KIAA1217: variants seen among roughly 807,000 people sequenced by gnomAD.
KIAA1217 encodes the protein sickle tail protein homolog.
A neutral mutation model predicts 163.9 loss-of-function variants in KIAA1217; 88 were observed. The ratio of observed to expected loss-of-function variants is 0.54; its 90% CI spans 0.45 to 0.64. The LOEUF is 0.64. Among genes scored for constraint, KIAA1217 ranks in the 30% least tolerant of loss-of-function variants. KIAA1217 has a pLI of 0.00. For synonymous variants in KIAA1217, 903 were observed against 923.1 expected (o/e 0.98, Z 0.39); for missense variants, 2,372 against 2,475.0 (o/e 0.96, Z 0.88).
intron 2 of KIAA1217, among the ~76,000 whole-genome samples, chr10:24,198,297 T>C (rs967138003): frequency 3.3e-5 from 5 of 152,206 alleles, no homozygotes; most frequent in African/African-American, 1.2e-4. Flanking sequence ...GATTCTGACC[T>C]CAACATAAAA....
intron 2 of KIAA1217, among the ~76,000 whole-genome samples, chr10:24,222,949 T>G (rs1177710310): frequency 2.0e-5 from 3 of 152,198 alleles, no homozygotes; most frequent in Non-Finnish European, 4.4e-5. Flanking sequence ...GCCTCCCCTT[T>G]TTAGACCATA....
intron 2 of KIAA1217, among the ~76,000 whole-genome samples, chr10:24,290,394 A>G (rs2078972969): frequency 6.6e-6 from 1 of 151,700 alleles, no homozygotes; most frequent in African/African-American, 2.4e-5. Flanking sequence ...GGGTTTTGGA[A>G]AAGGCCACAA....
rs1182505290 is a variant in KIAA1217, at chr10:23,811,026, TATG to T, written c.-321+115795_-321+115797del. Among the ~76,000 whole-genome samples the T allele has an allele frequency of 5.5e-5, 7 of 126,732 alleles. No homozygotes were observed. The East Asian group carries it at 1.3e-3, about 24-fold the overall frequency. 83.1% of individuals were successfully genotyped at this position (126,732 alleles called of 152,430 possible). On this transcript the variant is annotated intron_variant, in intron 1 of 18. Coordinates refer to the KIAA1217 transcript ENST00000376462. ...TATACTATATAGAGTATATATACTA[TATG>T]ATATGTATACAATATATAATATATA...
chr10:24,007,630 C>T (rs565676034), intron 2 of KIAA1217, among the ~76,000 whole-genome samples: 1 of 152,200 alleles, frequency 6.6e-6, no homozygotes, highest in African/African-American at 2.4e-5. Flanking sequence ...TTTTTCAGAC[C>T]ATGTATTAGA....
At chr10:23,751,168 C>T (rs954817926) in intron 1 of KIAA1217, among the ~76,000 whole-genome samples, 2 of 152,056 alleles carry the variant, frequency 1.3e-5, no homozygotes, top group African/African-American at 4.8e-5. Flanking sequence ...GCTGAGATTA[C>T]AGGTGCATGC....
intron 20 of KIAA1217, 92 bp downstream of exon 20, chr10:24,545,195 T>C (rs909446500): frequency 6.4e-7 from 1 of 1,555,044 alleles, no homozygotes; most frequent in African/African-American, 1.4e-5. Flanking sequence ...GCTTTCTTTG[T>C]AAGATAACGG....
At chr10:23,810,762 T>C (rs1412848769) in intron 1 of KIAA1217, among the ~76,000 whole-genome samples, 5 of 126,414 alleles carry the variant, frequency 4.0e-5, no homozygotes, top group African/African-American at 1.2e-4. Flanking sequence ...TATAGTATTA[T>C]ATAACTATAT....
chr10:24,070,012 A>C (rs1242234831), intron 2 of KIAA1217, among the ~76,000 whole-genome samples: 1 of 152,050 alleles, frequency 6.6e-6, no homozygotes, highest in Non-Finnish European at 1.5e-5. Context: ...GCTAAGTTTT[A>C]ATTTTTTTGT....
chr10:24,391,333 C>CTTTTTTTTTTTTTTTTT (rs768727392), intron 3 of KIAA1217, among the ~76,000 whole-genome samples: 2 of 29,890 alleles, frequency 6.7e-5, no homozygotes, highest in Non-Finnish European at 5.2e-5. Flanking sequence ...TTCTTTCTTT[C>CTTTTTTTTTTTTTTTTT]TTTTTTTTTT....
chr10:23,730,119 T>C (rs1476274776), intron 1 of KIAA1217, among the ~76,000 whole-genome samples: 1 of 152,150 alleles, frequency 6.6e-6, no homozygotes, highest in East Asian at 1.9e-4. Flanking sequence ...GCCAGGTTGG[T>C]CTCAATCTCC....
intron 2 of KIAA1217, among the ~76,000 whole-genome samples, chr10:24,084,826 G>A (rs1014496419): frequency 6.6e-6 from 1 of 151,768 alleles, no homozygotes; most frequent in Non-Finnish European, 1.5e-5. Flanking sequence ...CTGCCGACAA[G>A]CCTCTCACCA....
At chr10:23,750,165 C>T (rs1839656921) in intron 1 of KIAA1217, among the ~76,000 whole-genome samples, 1 of 152,162 alleles carries the variant, frequency 6.6e-6, no homozygotes, top group Admixed American at 6.5e-5. Context: ...TAATTCCATC[C>T]AATTTAATAT....
chr10:24,283,303 A>C (rs1413308313), intron 2 of KIAA1217, among the ~76,000 whole-genome samples: 2 of 152,168 alleles, frequency 1.3e-5, no homozygotes, highest in Non-Finnish European at 2.9e-5. Flanking sequence ...GGCTTCTTCC[A>C]CTTGGCAATA....
intron 1 of KIAA1217, among the ~76,000 whole-genome samples, chr10:23,698,617 G>A (rs2130694859): frequency 6.6e-6 from 1 of 152,240 alleles, no homozygotes; most frequent in East Asian, 1.9e-4. Flanking sequence ...AAAATATCTG[G>A]CCTCATTTTG....
intron 1 of KIAA1217, among the ~76,000 whole-genome samples, chr10:23,795,047 GAC>G (rs1836134792): frequency 6.6e-6 from 1 of 152,202 alleles, no homozygotes; most frequent in Admixed American, 6.5e-5. Flanking sequence ...GGGTGTGTGT[GAC>G]AGTTTCAGCC....
chr10:24,004,344 C>CT (rs956996911), intron 1 of KIAA1217, among the ~76,000 whole-genome samples: 2 of 151,946 alleles, frequency 1.3e-5, no homozygotes, highest in African/African-American at 2.4e-5. Context: ...ATATACTCAT[C>CT]TTTTTTTAAA....
intron 2 of KIAA1217, chr10:24,275,891 C>G (rs549240623): frequency 4.6e-6 from 2 of 435,886 alleles, no homozygotes; most frequent in Admixed American, 2.9e-5. Flanking sequence ...CATCAGTTCT[C>G]CCTTCTGGTC....
At chr10:24,407,283 T>C (rs866459894) in intron 3 of KIAA1217, among the ~76,000 whole-genome samples, 252 of 144,090 alleles carry the variant, frequency 1.7e-3, no homozygotes, top group East Asian at 3.8e-3. Context: ...TGTGTGTGTG[T>C]GTGCGTGCGT....
intron 1 of KIAA1217, among the ~76,000 whole-genome samples, chr10:23,987,618 TGTGTGTATGTGTAC>T (rs947173439): frequency 1.1e-4 from 8 of 73,426 alleles, no homozygotes; most frequent in Non-Finnish European, 2.0e-4. Flanking sequence ...TGTGTGTGTG[TGTGTGTATGTGTAC>T]GTGTGTGTGT....
Sources: gnomAD v4.1 joint callset for allele counts (sites outside exome capture counted in the v4.1 genomes callset) on GRCh38, gnomAD v4.1.1 for gene constraint, MANE v1.5 for transcripts, NCBI Gene and HGNC (gene_info 2026-07-23, HGNC 2026-07-21) for gene names.